OR51B5: variants seen among roughly 807,000 people sequenced by gnomAD.
OR51B5 encodes the protein olfactory receptor family 51 subfamily B member 5, also known as olfactory receptor 51B5.
For synonymous variants in OR51B5, 186 were observed against 144.8 expected, an observed-to-expected ratio of 1.28 and a Z score of -2.04; for missense variants, 456 against 374.6, an observed-to-expected ratio of 1.22 and a Z score of -1.79.
At chr11:5,357,257 C>G (rs1849208292) in intron 1 of OR51B5, among the ~76,000 whole-genome samples, 1 of 151,850 alleles carries the variant, frequency 6.6e-6, no homozygotes, top group Non-Finnish European at 1.5e-5. Context: ...CACACATAGG[C>G]TCAAAATAAA....
chr11:5,462,385 G>A lies in OR51B5; in HGVS notation n.84+43184C>T, dbSNP rs138739191. ...TGAACTCAGGGAAGAGGGGAAAGGCGAAAGGAGAACTTGGTAGAAGAGTGT... is the reference window on the plus strand; with the variant it reads ...TGAACTCAGGGAAGAGGGGAAAGGCAAAAGGAGAACTTGGTAGAAGAGTGT... On this transcript the variant is annotated intron_variant and non_coding_transcript_variant, in intron 1 of 4. Transcript: ENST00000415970. Among the ~76,000 whole-genome samples, 77 of 152,324 alleles carry A rather than the reference G, an allele frequency of 5.1e-4. 1 individual carries two copies. The East Asian group carries it at 0.011, about 23-fold the overall frequency.
intron 1 of OR51B5, chr11:5,441,338 C>T: frequency 1.2e-6 from 2 of 1,613,968 alleles, no homozygotes; most frequent in Non-Finnish European, 1.7e-6. Context: ...AGTACATGGG[C>T]TGATGCAGAG....
At chr11:5,389,962 C>G (rs775685916) in intron 1 of OR51B5, 2 of 1,611,864 alleles carry the variant, frequency 1.2e-6, no homozygotes, top group South Asian at 1.1e-5. Flanking sequence ...TCCTCTCCCA[C>G]TCATTTTGCC....
intron 1 of OR51B5, among the ~76,000 whole-genome samples, chr11:5,421,778 C>G (rs1020490777): frequency 3.3e-5 from 5 of 152,132 alleles, no homozygotes; most frequent in African/African-American, 1.2e-4. Context: ...GAAAAAGACA[C>G]TGGATTTATA....
chr11:5,451,659 C>T (rs369675218), intron 1 of OR51B5, among the ~76,000 whole-genome samples: 93 of 152,314 alleles, frequency 6.1e-4, no homozygotes, highest in African/African-American at 2.2e-3. Flanking sequence ...CATTCCACAA[C>T]CTCTGTTACT....
chr11:5,358,687 C>CA (rs896738143), intron 1 of OR51B5, among the ~76,000 whole-genome samples: 44 of 151,530 alleles, frequency 2.9e-4, no homozygotes, highest in Admixed American at 2.6e-3. Flanking sequence ...AGAGACACAA[C>CA]AAAAAAAGAG....
intron 1 of OR51B5, among the ~76,000 whole-genome samples, chr11:5,360,704 T>C (rs957108352): frequency 6.6e-6 from 1 of 151,582 alleles, no homozygotes; most frequent in Admixed American, 6.6e-5. Context: ...ATGTTTATTG[T>C]GGCACTATTC....
At chr11:5,486,418 C>CA (rs1359574352) in intron 1 of OR51B5, among the ~76,000 whole-genome samples, 1 of 370 alleles carries the variant, frequency 2.7e-3, no homozygotes, top group African/African-American at 5.6e-3. Flanking sequence ...ATGGTATGTG[C>CA]CGCTAAATAC....
intron 1 of OR51B5, among the ~76,000 whole-genome samples, chr11:5,380,311 T>C (rs1202198090): frequency 6.6e-6 from 1 of 152,066 alleles, no homozygotes; most frequent in Non-Finnish European, 1.5e-5. Flanking sequence ...ACAAAATGAA[T>C]TGCAACATGA....
chr11:5,485,195 A>G (rs564815354), intron 1 of OR51B5, among the ~76,000 whole-genome samples: 1 of 152,310 alleles, frequency 6.6e-6, no homozygotes, highest in African/African-American at 2.4e-5. Context: ...AAAAAGGATA[A>G]AAGAATACAC....
At chr11:5,409,890 AAGTC>A (rs1220187178) in intron 1 of OR51B5, among the ~76,000 whole-genome samples, 31 of 140,280 alleles carry the variant, frequency 2.2e-4, no homozygotes, top group African/African-American at 4.6e-4. Flanking sequence ...AAATACACTG[AAGTC>A]AGTCAGAGGA....
intron 1 of OR51B5, among the ~76,000 whole-genome samples, chr11:5,387,401 GTGGT>G (rs1486766938): frequency 1.3e-5 from 2 of 152,152 alleles, no homozygotes; most frequent in Non-Finnish European, 2.9e-5. Context: ...ACATTATAGG[GTGGT>G]TGGTTGAGTA....
chr11:5,351,518 A>C, intron 1 of OR51B5: 4 of 1,611,344 alleles, frequency 2.5e-6, no homozygotes, highest in Non-Finnish European at 3.4e-6. Flanking sequence ...ATGGGGCTCA[A>C]TAAGTCTGCT....
At chr11:5,466,101 C>A (rs1042907378) in intron 1 of OR51B5, among the ~76,000 whole-genome samples, 1 of 152,132 alleles carries the variant, frequency 6.6e-6, no homozygotes, top group Non-Finnish European at 1.5e-5. Context: ...TGAACTCAAA[C>A]AAATTTACAA....
chr11:5,374,513 T>C (rs1430804360), intron 1 of OR51B5, among the ~76,000 whole-genome samples: 2 of 151,974 alleles, frequency 1.3e-5, no homozygotes, highest in Non-Finnish European at 2.9e-5. Context: ...AGAAGAAGAC[T>C]TCAGACGATG....
At chr11:5,477,629 C>T (rs367745355) in intron 1 of OR51B5, among the ~76,000 whole-genome samples, 7 of 152,150 alleles carry the variant, frequency 4.6e-5, no homozygotes, top group African/African-American at 1.7e-4. Context: ...GAGTGCCAGA[C>T]AGTCGGCGCA....
intron 1 of OR51B5, among the ~76,000 whole-genome samples, chr11:5,402,018 T>C (rs980754551): frequency 1.2e-4 from 18 of 151,664 alleles, no homozygotes; most frequent in Admixed American, 6.6e-4. Context: ...TTTCTTTTCT[T>C]TTCTCTTCCT....
At chr11:5,455,968 G>A (rs1850953080) in intron 1 of OR51B5, 2 of 152,100 alleles carry the variant, frequency 1.3e-5, no homozygotes, top group South Asian at 2.1e-4. Flanking sequence ...TTTAAAGTAT[G>A]GTCTTCAGTC....
At chr11:5,340,495 A>G (rs1848877365), downstream of OR51B5, 1 of 151,588 alleles carries the variant, frequency 6.6e-6, no homozygotes, top group Admixed American at 6.6e-5. Context: ...TTGCAATGTC[A>G]TATTGAAAAA....
Sources: allele counts gnomAD v4.1 joint callset (sites outside exome capture counted in the v4.1 genomes callset), GRCh38; gene constraint gnomAD v4.1.1; transcripts MANE v1.5; gene names NCBI Gene and HGNC (gene_info 2026-07-23, HGNC 2026-07-21).